GABRB3: variants seen among roughly 807,000 people sequenced by gnomAD.
GABRB3 encodes the protein gamma-aminobutyric acid receptor subunit beta-3.
A neutral mutation model predicts 52.1 loss-of-function variants in GABRB3; 14 were observed. The observed-to-expected ratio is 0.27, with a 90% CI of 0.18 to 0.42. GABRB3 has a LOEUF of 0.42. GABRB3 is among the 10% of genes least tolerant of loss of function. The pLI is 1.00. For missense variants in GABRB3, 307 were observed against 609.1 expected, an observed-to-expected ratio of 0.50 and a Z score of 5.22; for synonymous variants, 260 against 232.3, an observed-to-expected ratio of 1.12 and a Z score of -1.08.
chr15:26,740,415 C>T (rs1489809122), intron 3 of GABRB3, among the ~76,000 whole-genome samples: 2 of 152,078 alleles, frequency 1.3e-5, no homozygotes, highest in East Asian at 2.0e-4. Flanking sequence ...TCAAAGGATA[C>T]CGCCAAGCAG....
At chr15:26,616,169 A>C in intron 4 of GABRB3, 1 of 1,029,506 alleles carries the variant, frequency 9.7e-7, no homozygotes, top group South Asian at 1.3e-5. Flanking sequence ...ACGGGAGGGA[A>C]GGTGGGCCTT....
At chr15:26,559,994 G>A (rs764661849) in intron 8 of GABRB3, among the ~76,000 whole-genome samples, 1 of 152,194 alleles carries the variant, frequency 6.6e-6, no homozygotes, top group African/African-American at 2.4e-5. Context: ...CTGCTCCAGT[G>A]CAAAGAATGG....
chr15:26,644,892 G>T (rs1194400200), intron 3 of GABRB3, among the ~76,000 whole-genome samples: 2 of 152,174 alleles, frequency 1.3e-5, no homozygotes, highest in Non-Finnish European at 2.9e-5. Context: ...AAACTTGATA[G>T]GTTTGTAGTA....
At chr15:26,602,421 T>C (rs191269574) in intron 4 of GABRB3, among the ~76,000 whole-genome samples, 70 of 152,280 alleles carry the variant, frequency 4.6e-4, no homozygotes, top group Admixed American at 1.4e-3. Flanking sequence ...ATTTAATAAA[T>C]ATTTATAGAA....
At chr15:26,628,682 CA>C (rs961092055) in intron 3 of GABRB3, among the ~76,000 whole-genome samples, 5 of 138,724 alleles carry the variant, frequency 3.6e-5, no homozygotes, top group Admixed American at 7.1e-5. Context: ...GCAAAAAAAA[CA>C]AAAAAACAAA....
intron 3 of GABRB3, among the ~76,000 whole-genome samples, chr15:26,667,373 C>G (rs1863463): frequency 0.16 from 24,406 of 152,052 alleles, 2,162 homozygotes; most frequent in African/African-American, 0.24. Flanking sequence ...CATCCGCCCC[C>G]TTTCATCTTA....
chr15:26,669,620 C>G (rs919059070), intron 3 of GABRB3, among the ~76,000 whole-genome samples: 2 of 152,046 alleles, frequency 1.3e-5, no homozygotes, highest in Non-Finnish European at 2.9e-5. Context: ...CTCTCTCTCT[C>G]TCTCCCCACC....
chr15:26,720,911 AT>A (rs920368318), intron 3 of GABRB3, among the ~76,000 whole-genome samples: 56 of 152,270 alleles, frequency 3.7e-4, no homozygotes, highest in Admixed American at 1.0e-3. Context: ...TGTTAAAAAA[AT>A]GTTAATATTA....
chr15:26,616,272 T>G (rs1054574127), intron 4 of GABRB3, among the ~76,000 whole-genome samples: 1 of 152,216 alleles, frequency 6.6e-6, no homozygotes, highest in Non-Finnish European at 1.5e-5. Flanking sequence ...CAAATGGTAC[T>G]GAAGTTTATA....
chr15:26,771,562 C>T (rs756736727), intron 3 of GABRB3, among the ~76,000 whole-genome samples: 1 of 152,250 alleles, frequency 6.6e-6, no homozygotes, highest in African/African-American at 2.4e-5. Context: ...TCAAATCCCA[C>T]GGCGTTTCAG....
chr15:26,677,537 G>A (rs1320074104), intron 3 of GABRB3, among the ~76,000 whole-genome samples: 1 of 152,110 alleles, frequency 6.6e-6, no homozygotes, highest in East Asian at 1.9e-4. Context: ...TAGGGCTCAA[G>A]CTTGAAGAAG....
chr15:26,654,811 T>G (rs1053415943), intron 3 of GABRB3, among the ~76,000 whole-genome samples: 1 of 152,056 alleles, frequency 6.6e-6, no homozygotes, highest in African/African-American at 2.4e-5. Flanking sequence ...AATTTTTTTT[T>G]GTTTGTTTTT....
At chr15:26,602,354 C>T (rs896435289) in intron 4 of GABRB3, among the ~76,000 whole-genome samples, 2 of 151,976 alleles carry the variant, frequency 1.3e-5, no homozygotes, top group African/African-American at 2.4e-5. Context: ...CAAATCTCCC[C>T]GATAGAAGAT....
intron 3 of GABRB3, among the ~76,000 whole-genome samples, chr15:26,738,694 T>C (rs1267145414): frequency 6.6e-6 from 1 of 151,998 alleles, no homozygotes; most frequent in Non-Finnish European, 1.5e-5. Flanking sequence ...CATCCTACCT[T>C]GGAATTCCGT....
chr15:26,569,221 T>C (rs1032066430), intron 6 of GABRB3: 1 of 152,178 alleles, frequency 6.6e-6, no homozygotes, highest in Admixed American at 6.5e-5. Flanking sequence ...ATGCAGGAGA[T>C]GAACGATTTT....
intron 3 of GABRB3, chr15:26,642,564 A>G (rs958231538): frequency 1.9e-5 from 22 of 1,151,352 alleles, no homozygotes; most frequent in Non-Finnish European, 2.3e-5. Flanking sequence ...GACACTTTGA[A>G]TTACTGTTCT....
intron 4 of GABRB3, chr15:26,612,884 C>G (rs998021163): frequency 9.2e-5 from 14 of 152,170 alleles, no homozygotes; most frequent in African/African-American, 3.4e-4. Flanking sequence ...GAGTCCAAGG[C>G]TGGAGGACTG....
intron 7 of GABRB3, among the ~76,000 whole-genome samples, chr15:26,565,764 G>A (rs1890147326): frequency 6.6e-6 from 1 of 152,138 alleles, no homozygotes; most frequent in South Asian, 2.1e-4. Flanking sequence ...TGTGATGTCA[G>A]ATAATCATGG....
intron 3 of GABRB3, among the ~76,000 whole-genome samples, chr15:26,687,010 G>C (rs1298494023): frequency 6.6e-6 from 1 of 152,356 alleles, no homozygotes; most frequent in South Asian, 2.1e-4. Context: ...GTGCACCATG[G>C]GGCTCCATGC....
Sources: gnomAD v4.1 joint callset for allele counts (sites outside exome capture counted in the v4.1 genomes callset) on GRCh38, gnomAD v4.1.1 for gene constraint, MANE v1.5 for transcripts, NCBI Gene and HGNC (gene_info 2026-07-23, HGNC 2026-07-21) for gene names.